The following ZNF423 variants were observed in gnomAD, a reference collection of about 807,000 sequenced individuals.
ZNF423 encodes zinc finger protein 423, also known as Ebf-associated zinc finger protein.
Under a neutral mutation model 95.8 loss-of-function variants are expected in ZNF423, and 12 were observed. That is an observed-to-expected ratio of 0.13 (90% CI 0.08 to 0.20). The LOEUF is 0.20. Among genes scored for constraint, ZNF423 ranks in the 10% least tolerant of loss-of-function variants. The pLI is 1.00. For synonymous variants in ZNF423, 749 were observed against 711.9 expected (o/e 1.05, Z -0.83); for missense variants, 1,316 against 1,737.1 (o/e 0.76, Z 4.31).
At chr16:49,769,570 G>A (rs1013914413) in intron 2 of ZNF423, among the ~76,000 whole-genome samples, 8 of 151,902 alleles carry the variant, frequency 5.3e-5, no homozygotes, top group Non-Finnish European at 7.4e-5. Flanking sequence ...CCACTGCCCT[G>A]TGCAAAGCCC....
At chr16:49,680,419 G>C (rs1176069633) in intron 3 of ZNF423, among the ~76,000 whole-genome samples, 1 of 152,246 alleles carries the variant, frequency 6.6e-6, no homozygotes, top group Non-Finnish European at 1.5e-5. Context: ...GACGGAAAGA[G>C]CTATGACACA....
intron 3 of ZNF423, chr16:49,664,301 C>CCG: frequency 1.0e-6 from 1 of 985,800 alleles, no homozygotes; most frequent in Non-Finnish European, 1.2e-6. Flanking sequence ...TGTGCTGCTC[C>CCG]CGCGGCGGCG....
Position 49,492,671 on chromosome 16 carries a change from G to C in ZNF423, c.3850-1367C>G, listed in dbSNP as rs1365481370. Among the ~76,000 whole-genome samples the C allele has an allele frequency of 6.6e-6, 1 of 152,346 alleles. No individual in the cohort carries two copies. Among genetic ancestry groups the C allele is most frequent in the African/African-American group, 2.4e-5 (1 of 41,586 alleles). On this transcript the variant is annotated intron_variant, in intron 7 of 7. Coordinates refer to ENST00000563137, the MANE Select transcript of ZNF423 (RefSeq NM_001379286.1). The surrounding 1 kb of genome is among the most constrained non-coding windows in gnomAD (Gnocchi z 4.2). ...CCAGCAGATGCCCACAGCGCCAAGC[G>C]ACAGCCTCGTGCTCATGCGGGCGGA...
chr16:49,531,022 G>A (rs1391201294), intron 5 of ZNF423, among the ~76,000 whole-genome samples: 1 of 152,202 alleles, frequency 6.6e-6, no homozygotes, highest in Non-Finnish European at 1.5e-5. Context: ...GTTTGAGCCT[G>A]GGGGGTCCCC....
chr16:49,750,813 G>A (rs2033620169), intron 2 of ZNF423, among the ~76,000 whole-genome samples: 1 of 152,230 alleles, frequency 6.6e-6, no homozygotes, highest in South Asian at 2.1e-4. Flanking sequence ...CAGCCAGAGT[G>A]GTGAGGGAGG....
chr16:49,622,975 G>A (rs1972136171), intron 5 of ZNF423, among the ~76,000 whole-genome samples: 1 of 152,140 alleles, frequency 6.6e-6, no homozygotes, highest in African/African-American at 2.4e-5. Context: ...AGAGACCGCT[G>A]CAACTCTCAA....
At chr16:49,803,704 C>T (rs1423020430) in intron 1 of ZNF423, among the ~76,000 whole-genome samples, 1 of 152,090 alleles carries the variant, frequency 6.6e-6, no homozygotes, top group Non-Finnish European at 1.5e-5. Flanking sequence ...CACACAGGAG[C>T]TGAGTGAGTG....
intron 2 of ZNF423, among the ~76,000 whole-genome samples, chr16:49,744,687 A>T (rs2033486153): frequency 6.6e-6 from 1 of 152,158 alleles, no homozygotes; most frequent in African/African-American, 2.4e-5. Flanking sequence ...AGATGCAGAG[A>T]CATGGGGGGA....
intron 5 of ZNF423, among the ~76,000 whole-genome samples, chr16:49,604,109 G>C (rs892784808): frequency 6.6e-6 from 1 of 152,208 alleles, no homozygotes; most frequent in Non-Finnish European, 1.5e-5. Context: ...CAGAAAGCAG[G>C]CCAGATAATA....
At chr16:49,770,655 A>G (rs1432057235) in intron 2 of ZNF423, among the ~76,000 whole-genome samples, 1 of 151,888 alleles carries the variant, frequency 6.6e-6, no homozygotes, top group Non-Finnish European at 1.5e-5. Flanking sequence ...ACTTTGGAGT[A>G]GGTGGGAAAG....
At chr16:49,520,417 C>T (rs1448693866) in intron 7 of ZNF423, among the ~76,000 whole-genome samples, 1 of 152,186 alleles carries the variant, frequency 6.6e-6, no homozygotes, top group East Asian at 1.9e-4. Flanking sequence ...CCTAAGAAAA[C>T]ATTACGTTTG....
chr16:49,749,126 A>T (rs2033584064), intron 2 of ZNF423, among the ~76,000 whole-genome samples: 1 of 152,200 alleles, frequency 6.6e-6, no homozygotes, highest in Non-Finnish European at 1.5e-5. Context: ...ACCACTCCAC[A>T]GGGGTATCTA....
intron 5 of ZNF423, among the ~76,000 whole-genome samples, chr16:49,531,050 G>A (rs533548817): frequency 7.7e-4 from 117 of 152,336 alleles, no homozygotes; most frequent in South Asian, 2.1e-4. Context: ...CACAAGCGCC[G>A]GTTGGCAGCA....
chr16:49,733,724 G>A (rs2033222235), intron 2 of ZNF423, among the ~76,000 whole-genome samples: 1 of 152,106 alleles, frequency 6.6e-6, no homozygotes. Context: ...GGCCCTCAGG[G>A]AGGTGACACA....
At chr16:49,501,707 A>G (rs1967410275) in intron 7 of ZNF423, among the ~76,000 whole-genome samples, 1 of 152,206 alleles carries the variant, frequency 6.6e-6, no homozygotes, top group Non-Finnish European at 1.5e-5. Flanking sequence ...ATAAAAAAGA[A>G]TAAAATCATG....
intron 5 of ZNF423, among the ~76,000 whole-genome samples, chr16:49,532,238 G>C (rs985378500): frequency 6.6e-6 from 1 of 152,150 alleles, no homozygotes; most frequent in Non-Finnish European, 1.5e-5. Context: ...AGACTCTGAC[G>C]GTGGGTGGCT....
chr16:49,544,283 T>G (rs1209695490), intron 5 of ZNF423, among the ~76,000 whole-genome samples: 1 of 152,208 alleles, frequency 6.6e-6, no homozygotes, highest in Non-Finnish European at 1.5e-5. Flanking sequence ...CAGAGGCCAC[T>G]GGGTTCGACT....
chr16:49,725,559 G>C (rs1327697045), intron 3 of ZNF423, among the ~76,000 whole-genome samples: 1 of 152,188 alleles, frequency 6.6e-6, no homozygotes, highest in Non-Finnish European at 1.5e-5. Flanking sequence ...TCCTCATGCA[G>C]CTTAATAGTA....
chr16:49,755,624 G>A (rs985404504), intron 2 of ZNF423, among the ~76,000 whole-genome samples: 5 of 152,204 alleles, frequency 3.3e-5, no homozygotes, highest in African/African-American at 9.7e-5. Context: ...TGTTGCTGAT[G>A]AAGCACAAGC....
Sources: allele counts gnomAD v4.1 joint callset (sites outside exome capture counted in the v4.1 genomes callset), GRCh38; gene constraint gnomAD v4.1.1; non-coding constraint Gnocchi (gnomAD v3.1); transcripts MANE v1.5; gene names NCBI Gene and HGNC (gene_info 2026-07-23, HGNC 2026-07-21).